The following RNF10 variants were observed in gnomAD, a reference collection of about 807,000 sequenced individuals.
RNF10 encodes the protein ring finger protein 10.
In RNF10, 38 loss-of-function variants were observed where a neutral mutation model predicts 91.4. The ratio of observed to expected loss-of-function variants is 0.42; its 90% CI spans 0.32 to 0.54. The LOEUF (loss-of-function observed/expected upper bound fraction) is 0.54. RNF10 is among the 20% of genes least tolerant of loss of function. The pLI is 0.16. For missense variants in RNF10, 945 were observed against 1,012.0 expected (o/e 0.93, Z 0.90); for synonymous variants, 364 against 366.3 (o/e 0.99, Z 0.07).
intron 2 of RNF10, among the ~76,000 whole-genome samples, chr12:120,547,846 C>T (rs191384629): frequency 2.2e-4 from 33 of 151,986 alleles, no homozygotes; most frequent in East Asian, 5.8e-4. Flanking sequence ...TAACCTGATG[C>T]GGAGTTTTAA....
intron 6 of RNF10, among the ~76,000 whole-genome samples, chr12:120,558,985 A>G (rs1221716276): frequency 1.3e-5 from 2 of 151,600 alleles, no homozygotes; most frequent in African/African-American, 2.4e-5. Context: ...TGCAGTGGCA[A>G]TAATTACTTT....
intron 10 of RNF10, 103 bp downstream of exon 10, chr12:120,564,046 G>GT (rs1225428987): frequency 1.5e-6 from 2 of 1,335,054 alleles, no homozygotes; most frequent in African/African-American, 2.9e-5. Context: ...AAGGCCTTTA[G>GT]TTTTTGTATT....
chr12:120,536,472 A>AC (rs1565940945), intron 1 of RNF10, among the ~76,000 whole-genome samples: 1 of 152,134 alleles, frequency 6.6e-6, no homozygotes, highest in Non-Finnish European at 1.5e-5. Flanking sequence ...AACAAAAAAA[A>AC]CAGAAAATTG....
intron 8 of RNF10, 136 bp downstream of exon 8, chr12:120,563,206 C>G: frequency 6.7e-7 from 1 of 1,487,608 alleles, no homozygotes; most frequent in Non-Finnish European, 9.3e-7. Context: ...GTTATTAGTT[C>G]TTTCCCCAGG....
intron 12 of RNF10, 73 bp downstream of exon 12, chr12:120,565,602 G>A: frequency 2.3e-6 from 3 of 1,305,468 alleles, no homozygotes; most frequent in South Asian, 1.2e-5. Context: ...TCTGGGACCT[G>A]GGAGCCAGAC....
chr12:120,546,775 T>C (rs1292403601), intron 2 of RNF10, among the ~76,000 whole-genome samples, 174 bp downstream of exon 2: 1 of 152,182 alleles, frequency 6.6e-6, no homozygotes, highest in Non-Finnish European at 1.5e-5. Context: ...CCTCCTTTTT[T>C]CCCCTGAAGG....
intron 2 of RNF10, among the ~76,000 whole-genome samples, chr12:120,547,363 C>T (rs1872488866): frequency 6.6e-6 from 1 of 152,192 alleles, no homozygotes; most frequent in South Asian, 2.1e-4. Flanking sequence ...ATGATCATGG[C>T]TCACTGCAGC....
At chr12:120,539,452 A>G (rs1285911752) in intron 1 of RNF10, 10 of 1,285,958 alleles carry the variant, frequency 7.8e-6, no homozygotes, top group African/African-American at 6.1e-5. Flanking sequence ...GTGCTTGTCA[A>G]CTACTCTGGA....
chr12:120,570,153 G>C (rs1232983134), intron 13 of RNF10: 3 of 152,136 alleles, frequency 2.0e-5, no homozygotes, highest in African/African-American at 7.3e-5. Context: ...CCAAAGTGCT[G>C]GGATTACAGG....
At chr12:120,564,617 T>G (rs577332211) in intron 10 of RNF10, among the ~76,000 whole-genome samples, 2 of 152,254 alleles carry the variant, frequency 1.3e-5, no homozygotes, top group East Asian at 3.9e-4. Flanking sequence ...AAAAAAAAAT[T>G]GGGCTTCATT....
At chr12:120,545,117 A>C (rs1276334849) in intron 1 of RNF10, among the ~76,000 whole-genome samples, 1 of 152,230 alleles carries the variant, frequency 6.6e-6, no homozygotes, top group Non-Finnish European at 1.5e-5. Flanking sequence ...GGCAACTTTA[A>C]ATTATTCTAC....
chr12:120,548,579 T>G (rs188134870), intron 2 of RNF10, among the ~76,000 whole-genome samples: 3 of 152,130 alleles, frequency 2.0e-5, no homozygotes, highest in Admixed American at 2.0e-4. Flanking sequence ...ACAGTACTTT[T>G]CAGTGGCTTT....
chr12:120,546,619 G>A lies in RNF10; in HGVS notation c.354+18G>A. 1 of 1,604,986 alleles carries A rather than the reference G, an allele frequency of 6.2e-7. No individual in the cohort carries two copies. Among genetic ancestry groups the A allele is most frequent in the Non-Finnish European group, 8.5e-7 (1 of 1,174,760 alleles). On this transcript the variant is annotated intron_variant, in intron 2 of 16. Transcript: ENST00000325954. ...GAGATGAGGTATGGAATTTGAGAAT[G>A]TCCTTTCTAGAGCATAAGCATGAGA...
intron 4 of RNF10, among the ~76,000 whole-genome samples, chr12:120,556,011 A>G (rs1873946457): frequency 6.7e-6 from 1 of 149,410 alleles, no homozygotes; most frequent in South Asian, 2.1e-4. Flanking sequence ...CTTGTCTCAA[A>G]CTCCCAGCTT....
At chr12:120,566,753 C>A (rs921986463) in intron 12 of RNF10, 72 bp from the exon 13 acceptor site, 8 of 1,310,336 alleles carry the variant, frequency 6.1e-6, no homozygotes, top group South Asian at 2.5e-5. Flanking sequence ...CAGAGTGAGA[C>A]CCCATCTCAA....
Position 120,571,303 on chromosome 12 carries a change from G to C in RNF10, c.2142+12G>C. The C allele has an allele frequency of 6.3e-7, 1 of 1,580,528 alleles. No individual in the cohort carries two copies. The highest frequency in any genetic ancestry group is 8.7e-7 in the Non-Finnish European group (1 of 1,149,630). ...CTTCCTTTGCCCAGGTAAATCCTTT[G>C]CTTGTGAAGCAGCCCAGGGGTATTT... is the stretch of plus-strand genomic sequence containing the variant. On this transcript the variant is annotated intron_variant, in intron 14 of 16. Transcript: ENST00000325954.
intron 2 of RNF10, among the ~76,000 whole-genome samples, chr12:120,552,004 T>G (rs1873164390): frequency 6.8e-6 from 1 of 147,654 alleles, no homozygotes; most frequent in Admixed American, 6.8e-5. Flanking sequence ...TAAGAGGAAA[T>G]GCTACATACT....
At chr12:120,542,490 A>G (rs1041460860) in intron 1 of RNF10, among the ~76,000 whole-genome samples, 12 of 152,174 alleles carry the variant, frequency 7.9e-5, no homozygotes, top group African/African-American at 2.9e-4. Flanking sequence ...TACTAGTGCC[A>G]TGTTTGACAC....
Position 120,562,984 on chromosome 12 carries a change from A to C in RNF10, c.1168A>C (p.Arg390=). Residue 390 remains arginine, a synonymous_variant, in exon 8 of 17, where the codon AGG becomes CGG. Coordinates refer to ENST00000325954, the MANE Select transcript of RNF10 (RefSeq NM_014868.5). ...TCTGTCGGGATTGGCCGGAAGCAGA[A>C]GGGAGGTCACTGGTGTTGTGGCTGC... ...EALSGLAGSR[R]EVTGVVAALE... 1 of 1,614,134 alleles carries C rather than the reference A, an allele frequency of 6.2e-7. No homozygotes were observed. The highest frequency in any genetic ancestry group is 8.5e-7 in the Non-Finnish European group (1 of 1,179,994).
Sources: gnomAD v4.1 joint callset for allele counts (sites outside exome capture counted in the v4.1 genomes callset) on GRCh38, gnomAD v4.1.1 for gene constraint, MANE v1.5 for transcripts, NCBI Gene and HGNC (gene_info 2026-07-23, HGNC 2026-07-21) for gene names.